NR6A1: variants seen among roughly 807,000 people sequenced by gnomAD.
NR6A1 encodes retinoic acid receptor-related testis-associated receptor.
In NR6A1, 7 loss-of-function variants were observed where a neutral mutation model predicts 59.1. That is an observed-to-expected ratio of 0.12 (90% confidence interval 0.07 to 0.22). The LOEUF (loss-of-function observed/expected upper bound fraction) is 0.22. Among genes scored for constraint, NR6A1 ranks in the 10% least tolerant of loss-of-function variants. NR6A1 has a pLI of 1.00. For missense variants in NR6A1, 468 were observed against 611.6 expected (o/e 0.77, Z 2.48); for synonymous variants, 243 against 236.1 (o/e 1.03, Z -0.27).
chr9:124,522,478 G>T lies in NR6A1; in HGVS notation c.*227C>A. 2 of 363,988 alleles carry T rather than the reference G, an allele frequency of 5.5e-6. No individual in the cohort carries two copies. Among genetic ancestry groups the T allele is most frequent in the Non-Finnish European group, 5.2e-6 (1 of 192,764 alleles). The allele number at this position is 363,988 out of a possible 1,614,324, so 22.5% of individuals were successfully genotyped here. A position where few individuals can be genotyped will look rare whatever the true frequency, so the allele number is the denominator to read the frequency against. ...ATGCATTGGCTGCATTCACACAAAAGCATGTGCATCATGTTGAAGGCCATA... is the reference window on the plus strand; with the variant it reads ...ATGCATTGGCTGCATTCACACAAAATCATGTGCATCATGTTGAAGGCCATA... On this transcript the variant is annotated 3_prime_UTR_variant, in exon 10 of 10. Transcript: ENST00000487099.
At chr9:124,740,019 A>C (rs1327367047) in intron 1 of NR6A1, among the ~76,000 whole-genome samples, 1 of 152,194 alleles carries the variant, frequency 6.6e-6, no homozygotes, top group Non-Finnish European at 1.5e-5. Flanking sequence ...CTTTCTACAA[A>C]ACAGAAGTTG....
intron 2 of NR6A1, among the ~76,000 whole-genome samples, chr9:124,571,109 T>G (rs995887242): frequency 6.6e-6 from 1 of 152,114 alleles, no homozygotes; most frequent in South Asian, 2.1e-4. Context: ...TGGAGATAGA[T>G]GGGGAGGCAG....
At chr9:124,765,483 T>G (rs930567797) in intron 1 of NR6A1, among the ~76,000 whole-genome samples, 1 of 152,220 alleles carries the variant, frequency 6.6e-6, no homozygotes, top group Non-Finnish European at 1.5e-5. Flanking sequence ...TCCTATAATT[T>G]TTTTAAGAAC....
At chr9:124,532,037 A>G (rs1481850452) in intron 7 of NR6A1, among the ~76,000 whole-genome samples, 1 of 152,152 alleles carries the variant, frequency 6.6e-6, no homozygotes, top group Non-Finnish European at 1.5e-5. Context: ...CTCCACTTAA[A>G]AACTTCCCAA....
intron 2 of NR6A1, among the ~76,000 whole-genome samples, chr9:124,628,149 T>C (rs936427706): frequency 8.5e-5 from 13 of 152,224 alleles, no homozygotes; most frequent in Admixed American, 5.9e-4. Context: ...TGCCTCAGCC[T>C]CCCGAGTAGC....
chr9:124,735,805 T>C (rs1331977846), intron 1 of NR6A1, among the ~76,000 whole-genome samples: 1 of 152,186 alleles, frequency 6.6e-6, no homozygotes, highest in Non-Finnish European at 1.5e-5. Context: ...AGATTTGGTG[T>C]CTAGTGAGAG....
chr9:124,771,229 TCCCGGCCGCGG>T lies in NR6A1; in HGVS notation c.-121_-111del. On this transcript the variant is annotated 5_prime_UTR_variant, in exon 1 of 10. Transcript: ENST00000487099. ...AGGAGGTTGTCAGGAGCCCGCGAGC[TCCCGGCCGCGG>T]CTCTCTCTGGGCCCCGAGCCGCCCG... 3.6e-6 allele frequency: 2 copies of T among 555,948 alleles called. No individual in the cohort carries two copies. Among genetic ancestry groups the T allele is most frequent in the Non-Finnish European group, 5.4e-6 (2 of 372,272 alleles). 34.4% of individuals were successfully genotyped at this position (555,948 alleles called of 1,614,324 possible). A position where few individuals can be genotyped will look rare whatever the true frequency, so the allele number is the denominator to read the frequency against.
intron 3 of NR6A1, among the ~76,000 whole-genome samples, chr9:124,548,857 C>T (rs1477932364): frequency 1.3e-5 from 2 of 152,154 alleles, no homozygotes; most frequent in Non-Finnish European, 2.9e-5. Context: ...CCCCACCACC[C>T]GCCACGAAGC....
At chr9:124,668,344 T>TGGAAGGGGAGGCAGAAGAGGC (rs1284876652) in intron 2 of NR6A1, among the ~76,000 whole-genome samples, 7 of 151,380 alleles carry the variant, frequency 4.6e-5, no homozygotes, top group African/African-American at 1.7e-4. Flanking sequence ...GCAGAAGAGG[T>TGGAAGGGGAGGCAGAAGAGGC]GGAAGGGGAG....
At chr9:124,524,915 G>A (rs1452802060) in intron 8 of NR6A1, 42 bp from the exon 9 acceptor site, 1 of 1,553,834 alleles carries the variant, frequency 6.4e-7, no homozygotes, top group East Asian at 2.3e-5. Flanking sequence ...ACAGGGAATG[G>A]GATGGGCATT....
chr9:124,643,513 T>C lies in NR6A1; in HGVS notation c.143-88943A>G, dbSNP rs553389763. On this transcript the variant is annotated intron_variant, in intron 2 of 9. Coordinates refer to ENST00000487099, the MANE Select transcript of NR6A1 (RefSeq NM_033334.4). ...TACTCGGGAGGTTGAGGTGGGAGGATTGCTGGAGCCCAAGAGACGAAGGGA... is the reference window on the plus strand; with the variant it reads ...TACTCGGGAGGTTGAGGTGGGAGGACTGCTGGAGCCCAAGAGACGAAGGGA... Among the ~76,000 whole-genome samples the C allele has an allele frequency of 6.7e-4, 102 of 151,720 alleles. 1 individual carries two copies. In the South Asian group the frequency reaches 0.018, roughly 27 times the overall value.
At chr9:124,534,350 G>A (rs1043739752) in intron 7 of NR6A1, among the ~76,000 whole-genome samples, 2 of 152,206 alleles carry the variant, frequency 1.3e-5, no homozygotes, top group Non-Finnish European at 2.9e-5. Context: ...TGGGATTACA[G>A]GCATGAGCCA....
chr9:124,748,386 T>G (rs910576529), intron 1 of NR6A1, among the ~76,000 whole-genome samples: 1 of 152,166 alleles, frequency 6.6e-6, no homozygotes, highest in African/African-American at 2.4e-5. Flanking sequence ...ATTCTTAGAT[T>G]TTTTAAAAAA....
intron 3 of NR6A1, among the ~76,000 whole-genome samples, chr9:124,546,056 G>A (rs916740321): frequency 9.8e-5 from 15 of 152,292 alleles, no homozygotes; most frequent in African/African-American, 2.4e-4. Flanking sequence ...TGGAGGTTGC[G>A]GTGAACTGAG....
intron 2 of NR6A1, among the ~76,000 whole-genome samples, chr9:124,722,799 A>G (rs1028199188): frequency 6.6e-6 from 1 of 152,100 alleles, no homozygotes; most frequent in African/African-American, 2.4e-5. Context: ...GGTTCAGTGC[A>G]GCCTCAACCT....
intron 1 of NR6A1, among the ~76,000 whole-genome samples, chr9:124,766,759 T>C (rs1840945958): frequency 6.6e-6 from 1 of 152,250 alleles, no homozygotes; most frequent in African/African-American, 2.4e-5. Context: ...TCGATGAATT[T>C]GCTGACAATG....
intron 2 of NR6A1, among the ~76,000 whole-genome samples, chr9:124,707,957 T>C (rs1319398155): frequency 2.6e-5 from 4 of 152,186 alleles, no homozygotes; most frequent in Non-Finnish European, 4.4e-5. Flanking sequence ...ACTTTTTGCT[T>C]GGCTTTCCCA....
chr9:124,630,610 G>T (rs1453682649), intron 2 of NR6A1, among the ~76,000 whole-genome samples: 4 of 150,668 alleles, frequency 2.7e-5, no homozygotes, highest in Admixed American at 6.6e-5. Flanking sequence ...CGACACACCT[G>T]GGTTCCTATT....
rs1554736906 is a variant in NR6A1, at chr9:124,630,678, T to TTTTC, written c.143-76109_143-76108insGAAA. Among the ~76,000 whole-genome samples the TTTTC allele has an allele frequency of 5.9e-5, 8 of 134,630 alleles. 1 individual carries two copies. The highest frequency in any genetic ancestry group is 2.4e-4 in the African/African-American group (8 of 33,506). The allele number at this position is 134,630 out of a possible 152,430, so 88.3% of individuals were successfully genotyped here. A position where few individuals can be genotyped will look rare whatever the true frequency, so the allele number is the denominator to read the frequency against. ...GGCAAGTTACTACATTTCTTTTTTT[T>TTTTC]TTTTTTTTTTTTTTTTTGAGACAGA... On this transcript the variant is annotated intron_variant, in intron 2 of 9. Coordinates refer to ENST00000487099, the MANE Select transcript of NR6A1 (RefSeq NM_033334.4).
Sources: gnomAD v4.1 joint callset for allele counts (sites outside exome capture counted in the v4.1 genomes callset) on GRCh38, gnomAD v4.1.1 for gene constraint, MANE v1.5 for transcripts, NCBI Gene and HGNC (gene_info 2026-07-23, HGNC 2026-07-21) for gene names.